GABBR2: variants seen among roughly 807,000 people sequenced by gnomAD.
GABBR2 encodes G-protein coupled receptor 51.
Under a neutral mutation model 105.6 loss-of-function variants are expected in GABBR2, and 23 were observed. The observed-to-expected ratio is 0.22, with a 90% CI of 0.16 to 0.31. The LOEUF (loss-of-function observed/expected upper bound fraction) is 0.31. Ranked by LOEUF, GABBR2 falls within the 10% of genes least tolerant of loss-of-function variation. The pLI, the probability that GABBR2 is intolerant of heterozygous loss-of-function variation, is 1.00. For synonymous variants in GABBR2, 478 were observed against 499.7 expected, an observed-to-expected ratio of 0.96 and a Z score of 0.58; for missense variants, 734 against 1,245.5, an observed-to-expected ratio of 0.59 and a Z score of 6.18.
chr9:98,541,387 A>T (rs1828301034), intron 3 of GABBR2, among the ~76,000 whole-genome samples: 1 of 151,872 alleles, frequency 6.6e-6, no homozygotes, highest in African/African-American at 2.4e-5. Context: ...CAAAACACAT[A>T]CACAAAACAA....
chr9:98,573,539 C>T (rs930685113), intron 2 of GABBR2, among the ~76,000 whole-genome samples: 1 of 152,204 alleles, frequency 6.6e-6, no homozygotes, highest in African/African-American at 2.4e-5. Flanking sequence ...CTGCCTTGGC[C>T]TCCCAAAGCA....
intron 3 of GABBR2, among the ~76,000 whole-genome samples, chr9:98,540,373 T>C (rs796252413): frequency 6.6e-5 from 10 of 152,310 alleles, no homozygotes; most frequent in African/African-American, 1.9e-4. Context: ...CAGGGAGGCA[T>C]GCAAGAAGTT....
At chr9:98,466,773 AAAAAC>A (rs1826567637) in intron 6 of GABBR2, among the ~76,000 whole-genome samples, 1 of 152,246 alleles carries the variant, frequency 6.6e-6, no homozygotes, top group Non-Finnish European at 1.5e-5. Context: ...TTGTAACAGA[AAAAAC>A]AAATTATCAG....
At chr9:98,502,952 C>T (rs1252498351) in intron 3 of GABBR2, among the ~76,000 whole-genome samples, 1 of 152,214 alleles carries the variant, frequency 6.6e-6, no homozygotes, top group African/African-American at 2.4e-5. Flanking sequence ...CTGATATTGA[C>T]ATCTCTTCTG....
At chr9:98,660,682 G>A (rs944209584) in intron 1 of GABBR2, among the ~76,000 whole-genome samples, 4 of 152,162 alleles carry the variant, frequency 2.6e-5, no homozygotes, top group African/African-American at 9.7e-5. Flanking sequence ...GTTTTGGCGG[G>A]GCTGGTTCCT....
intron 3 of GABBR2, 25 bp from the exon 4 acceptor site, chr9:98,496,539 G>A (rs770194687): frequency 1.3e-6 from 2 of 1,525,610 alleles, no homozygotes; most frequent in East Asian, 2.3e-5. Context: ...AAAGCAGAGG[G>A]TGGGTGTGCT....
chr9:98,634,486 A>T (rs1355382632), intron 1 of GABBR2, among the ~76,000 whole-genome samples: 1 of 152,196 alleles, frequency 6.6e-6, no homozygotes, highest in Non-Finnish European at 1.5e-5. Flanking sequence ...AGACACAGAG[A>T]CACAAAATGA....
At chr9:98,680,656 A>T (rs919435153) in intron 1 of GABBR2, among the ~76,000 whole-genome samples, 3 of 152,214 alleles carry the variant, frequency 2.0e-5, no homozygotes, top group African/African-American at 7.2e-5. Context: ...AAGTTCTAGC[A>T]TAAGAATAAA....
chr9:98,312,772 G>C (rs903927265), intron 13 of GABBR2, among the ~76,000 whole-genome samples: 1 of 151,268 alleles, frequency 6.6e-6, no homozygotes, highest in Non-Finnish European at 1.5e-5. Flanking sequence ...CCTTTTTTTT[G>C]AGATAGAGTC....
intron 12 of GABBR2, among the ~76,000 whole-genome samples, chr9:98,365,178 ACTTTGCTAGGACTCAGTTTC>A (rs1158585420): frequency 1.3e-5 from 2 of 152,206 alleles, no homozygotes; most frequent in Non-Finnish European, 2.9e-5. Flanking sequence ...AAGCTGCTTA[ACTTTGCTAGGACTCAGTTTC>A]CTTCTTTTTA....
At chr9:98,348,911 C>T (rs998154207) in intron 13 of GABBR2, among the ~76,000 whole-genome samples, 1 of 152,108 alleles carries the variant, frequency 6.6e-6, no homozygotes, top group African/African-American at 2.4e-5. Flanking sequence ...TTTGGATGCT[C>T]TTTATTTCTT....
Position 98,299,559 on chromosome 9 carries a change from C to A in GABBR2, c.2413-206G>T, listed in dbSNP as rs144615041. 3.3e-5 allele frequency among the ~76,000 whole-genome samples: 5 copies of A among 152,278 alleles called. No individual in the cohort carries two copies. In the South Asian group the frequency reaches 8.3e-4, roughly 25 times the overall value. ...CAAGGAGAAGCTATGATAAGAGGGA[C>A]CTGGGCTTTGCAATTATGTGTTCAG... On this transcript the variant is annotated intron_variant, in intron 16 of 18. Transcript: ENST00000259455.
chr9:98,468,098 T>C (rs773214145), intron 6 of GABBR2, among the ~76,000 whole-genome samples: 16 of 152,024 alleles, frequency 1.1e-4, no homozygotes, highest in East Asian at 1.9e-4. Context: ...TCCCAGAAAA[T>C]TGAGCTCTGA....
chr9:98,469,375 A>G (rs1826622212), intron 6 of GABBR2, among the ~76,000 whole-genome samples: 2 of 152,314 alleles, frequency 1.3e-5, no homozygotes, highest in Admixed American at 6.5e-5. Flanking sequence ...AATGGCCCCC[A>G]TGATTCAATC....
chr9:98,308,523 G>A (rs574459202), intron 14 of GABBR2, among the ~76,000 whole-genome samples: 1 of 152,298 alleles, frequency 6.6e-6, no homozygotes, highest in South Asian at 2.1e-4. Flanking sequence ...CAGATATAAT[G>A]AAGGATCTTG....
chr9:98,397,136 C>A (rs1371987413), intron 8 of GABBR2, among the ~76,000 whole-genome samples: 3 of 152,198 alleles, frequency 2.0e-5, no homozygotes, highest in Non-Finnish European at 2.9e-5. Flanking sequence ...AGCAGGGCTG[C>A]CAATCATTCA....
At chr9:98,545,483 C>G (rs1310367923) in intron 2 of GABBR2, among the ~76,000 whole-genome samples, 1 of 152,216 alleles carries the variant, frequency 6.6e-6, no homozygotes, top group African/African-American at 2.4e-5. Context: ...GAGAAATCAT[C>G]TAGCTCTGGG....
At chr9:98,413,420 C>T (rs532147101) in intron 7 of GABBR2, among the ~76,000 whole-genome samples, 2 of 152,192 alleles carry the variant, frequency 1.3e-5, no homozygotes. Flanking sequence ...AGTATATCCA[C>T]CCACATGTTC....
chr9:98,442,439 C>T (rs908845027), intron 7 of GABBR2, among the ~76,000 whole-genome samples: 7 of 152,174 alleles, frequency 4.6e-5, no homozygotes, highest in African/African-American at 1.2e-4. Context: ...AAGTGAGGGT[C>T]GAAAGTTAGA....
Sources: gnomAD v4.1 joint callset for allele counts (sites outside exome capture counted in the v4.1 genomes callset) on GRCh38, gnomAD v4.1.1 for gene constraint, MANE v1.5 for transcripts, NCBI Gene and HGNC (gene_info 2026-07-23, HGNC 2026-07-21) for gene names.